Variants in FSTL5 observed in about 807,000 individuals in gnomAD.
The protein encoded by FSTL5 is follistatin-related protein 5.
Under a neutral mutation model 89.1 loss-of-function variants are expected in FSTL5, and 62 were observed. The ratio of observed to expected loss-of-function variants is 0.70; its 90% CI spans 0.57 to 0.86. FSTL5 has a LOEUF of 0.86. FSTL5 is among the 40% of genes least tolerant of loss of function. FSTL5 has a pLI of 0.00. For missense variants in FSTL5, 1,057 were observed against 1,001.6 expected (o/e 1.06, Z -0.75); for synonymous variants, 383 against 346.2 (o/e 1.11, Z -1.18).
chr4:161,686,694 T>C lies in FSTL5; in HGVS notation c.728-30200A>G, dbSNP rs574107653. 3.3e-5 allele frequency among the ~76,000 whole-genome samples: 5 copies of C among 152,146 alleles called. No homozygotes were observed. The East Asian group carries it at 9.7e-4, about 30-fold the overall frequency. On this transcript the variant is annotated intron_variant, in intron 6 of 15. Coordinates refer to ENST00000306100, the MANE Select transcript of FSTL5 (RefSeq NM_020116.5). Reference sequence around the variant, plus strand: ...GATAACTGCATTGTATTACCTTCTGTAGATGCAAAATACTTATAATTTATT... The same window carrying C: ...GATAACTGCATTGTATTACCTTCTGCAGATGCAAAATACTTATAATTTATT...
At chr4:161,820,530 T>C (rs939533237) in intron 4 of FSTL5, among the ~76,000 whole-genome samples, 2 of 152,222 alleles carry the variant, frequency 1.3e-5, no homozygotes, top group Non-Finnish European at 2.9e-5. Context: ...TCAATGTGAA[T>C]GTGTATTTGT....
intron 2 of FSTL5, among the ~76,000 whole-genome samples, chr4:162,098,270 T>C (rs1490251968): frequency 2.0e-5 from 3 of 151,804 alleles, no homozygotes; most frequent in Non-Finnish European, 4.4e-5. Context: ...CAGATAAAAC[T>C]ATATCATGGT....
intron 7 of FSTL5, among the ~76,000 whole-genome samples, chr4:161,600,230 A>C (rs1316453183): frequency 6.6e-6 from 1 of 151,446 alleles, no homozygotes; most frequent in Non-Finnish European, 1.5e-5. Flanking sequence ...GTAGCATCCA[A>C]AAACAGCCAA....
chr4:161,607,479 G>C (rs1223407242), intron 7 of FSTL5, among the ~76,000 whole-genome samples: 1 of 151,946 alleles, frequency 6.6e-6, no homozygotes, highest in Non-Finnish European at 1.5e-5. Flanking sequence ...TTATCTGTCT[G>C]TTTCTGCGAT....
chr4:162,016,968 A>C (rs1736932894), intron 3 of FSTL5, among the ~76,000 whole-genome samples: 1 of 152,212 alleles, frequency 6.6e-6, no homozygotes, highest in South Asian at 2.1e-4. Flanking sequence ...GAAGTCCTAC[A>C]ACTGTCCTGA....
chr4:161,536,622 C>T (rs1731627110), intron 10 of FSTL5, among the ~76,000 whole-genome samples: 1 of 152,150 alleles, frequency 6.6e-6, no homozygotes, highest in East Asian at 1.9e-4. Flanking sequence ...TAAATGGGCA[C>T]TTTTACTTCA....
At chr4:161,908,685 A>T (rs1332136862) in intron 4 of FSTL5, among the ~76,000 whole-genome samples, 1 of 152,114 alleles carries the variant, frequency 6.6e-6, no homozygotes, top group Non-Finnish European at 1.5e-5. Context: ...AAATATGCAT[A>T]ACTTAGAAAT....
At chr4:161,695,353 C>T (rs1187277102) in intron 6 of FSTL5, among the ~76,000 whole-genome samples, 5 of 151,776 alleles carry the variant, frequency 3.3e-5, no homozygotes, top group Non-Finnish European at 7.4e-5. Context: ...TAATAGTCTC[C>T]AATCTCATCC....
intron 1 of FSTL5, among the ~76,000 whole-genome samples, chr4:162,149,979 T>C (rs1275909078): frequency 6.6e-6 from 1 of 152,194 alleles, no homozygotes; most frequent in Non-Finnish European, 1.5e-5. Flanking sequence ...GTTTTATTTT[T>C]CCTCTAAATT....
At chr4:162,157,041 C>T (rs566617389) in intron 1 of FSTL5, among the ~76,000 whole-genome samples, 19 of 152,046 alleles carry the variant, frequency 1.2e-4, no homozygotes, top group Non-Finnish European at 4.4e-5. Context: ...GAAATTTTGT[C>T]TCATTATTAC....
chr4:162,067,357 C>T (rs1342322074), intron 2 of FSTL5, among the ~76,000 whole-genome samples: 1 of 151,944 alleles, frequency 6.6e-6, no homozygotes, highest in East Asian at 1.9e-4. Flanking sequence ...TTGGCCTATT[C>T]TTTGTTTTCT....
At chr4:161,961,698 G>GA (rs1245153014) in intron 3 of FSTL5, among the ~76,000 whole-genome samples, 1 of 151,020 alleles carries the variant, frequency 6.6e-6, no homozygotes, top group African/African-American at 2.4e-5. Context: ...TTTCTCCATA[G>GA]AAAAAAAAGA....
intron 7 of FSTL5, among the ~76,000 whole-genome samples, chr4:161,592,996 A>C (rs1733881386): frequency 6.6e-6 from 1 of 152,032 alleles, no homozygotes; most frequent in Non-Finnish European, 1.5e-5. Context: ...ATTTTTTCCC[A>C]TATATTTGCT....
intron 3 of FSTL5, among the ~76,000 whole-genome samples, chr4:161,971,179 A>G (rs182090837): frequency 7.2e-4 from 110 of 152,270 alleles, no homozygotes; most frequent in Non-Finnish European, 7.5e-4. Context: ...CATGAGATCA[A>G]TGGAGGAGAG....
chr4:161,892,894 G>A (rs1040877730), intron 4 of FSTL5, among the ~76,000 whole-genome samples: 1 of 151,926 alleles, frequency 6.6e-6, no homozygotes, highest in Non-Finnish European at 1.5e-5. Context: ...ATAGTTACAT[G>A]CACATTTCAA....
At chr4:161,800,703 G>T (rs1729763980) in intron 4 of FSTL5, among the ~76,000 whole-genome samples, 1 of 151,614 alleles carries the variant, frequency 6.6e-6, no homozygotes, top group South Asian at 2.1e-4. Context: ...TTCTATTAAG[G>T]TTGAGTGATG....
At chr4:161,965,587 G>C (rs1351564973) in intron 3 of FSTL5, among the ~76,000 whole-genome samples, 1 of 152,082 alleles carries the variant, frequency 6.6e-6, no homozygotes, top group Non-Finnish European at 1.5e-5. Flanking sequence ...AATGAACCAG[G>C]AAGGACTGTG....
chr4:162,126,995 G>A (rs1032393), intron 1 of FSTL5, among the ~76,000 whole-genome samples: 114,715 of 151,958 alleles, frequency 0.75, 43,918 homozygotes, highest in Non-Finnish European at 0.83. Flanking sequence ...CCTGACTGTC[G>A]TGGTTTTTTT....
chr4:162,084,501 T>C (rs1450540020), intron 2 of FSTL5, among the ~76,000 whole-genome samples: 3 of 151,956 alleles, frequency 2.0e-5, no homozygotes, highest in African/African-American at 7.3e-5. Flanking sequence ...CTATTCACAA[T>C]AGTAAAGATT....
Sources: gnomAD v4.1 joint callset for allele counts (sites outside exome capture counted in the v4.1 genomes callset) on GRCh38, gnomAD v4.1.1 for gene constraint, MANE v1.5 for transcripts, NCBI Gene and HGNC (gene_info 2026-07-23, HGNC 2026-07-21) for gene names.